RCOR1: variants seen among roughly 807,000 people sequenced by gnomAD.
RCOR1 encodes the protein REST corepressor.
In RCOR1, 12 loss-of-function variants were observed where a neutral mutation model predicts 64.0. The observed-to-expected ratio is 0.19, with a 90% CI of 0.12 to 0.30. The LOEUF (loss-of-function observed/expected upper bound fraction) is 0.30. RCOR1 is among the 10% of genes least tolerant of loss of function. The probability of loss-of-function intolerance (pLI) is 1.00; values close to 1 mark genes in which losing one functional copy is unlikely to be tolerated. For synonymous variants in RCOR1, 279 were observed against 227.2 expected, an observed-to-expected ratio of 1.23 and a Z score of -2.05; for missense variants, 502 against 621.2, an observed-to-expected ratio of 0.81 and a Z score of 2.04.
At chr14:102,672,881 C>CA (rs1222892287) in intron 2 of RCOR1, among the ~76,000 whole-genome samples, 2 of 152,326 alleles carry the variant, frequency 1.3e-5, no homozygotes, top group South Asian at 2.1e-4. Context: ...AGAAATAACT[C>CA]AGAGTTTCAG....
intron 2 of RCOR1, among the ~76,000 whole-genome samples, chr14:102,593,627 G>T (rs1390239819): frequency 1.3e-5 from 2 of 152,192 alleles, no homozygotes; most frequent in Non-Finnish European, 2.9e-5. Context: ...GGCGCTGGGG[G>T]TCCCTGCGTC....
In RCOR1 at chr14:102,690,038, C is replaced by T. The variant is rs561178728; in HGVS notation, c.445+8060C>T. ...GATTACAGGCGTGAGTCACCGCGCC[C>T]GGCCTGATTTTTTTTTTAAGCTAGC... On this transcript the variant is annotated intron_variant, in intron 3 of 11. Coordinates refer to ENST00000262241, the MANE Select transcript of RCOR1 (RefSeq NM_015156.4). 2.0e-4 allele frequency among the ~76,000 whole-genome samples: 30 copies of T among 149,828 alleles called. No individual in the cohort carries two copies. In the East Asian group the frequency reaches 4.4e-3, roughly 22 times the overall value.
chr14:102,726,938 C>T lies in RCOR1; in HGVS notation c.*432C>T, dbSNP rs764419813. 18 of 166,864 alleles carry T rather than the reference C, an allele frequency of 1.1e-4. No homozygotes were observed. The highest frequency in any genetic ancestry group is 1.8e-4 in the Non-Finnish European group (14 of 78,114). The allele number at this position is 166,864 out of a possible 1,614,324, so 10.3% of individuals were successfully genotyped here. Reference sequence around the variant, plus strand: ...AGTCATTTTCAGAGTCACCGCGACCCTGTTGGCCTTCTAGAAAGTTTCTTT... The same window carrying T: ...AGTCATTTTCAGAGTCACCGCGACCTTGTTGGCCTTCTAGAAAGTTTCTTT... On this transcript the variant is annotated 3_prime_UTR_variant, in exon 12 of 12. Coordinates refer to ENST00000262241, the MANE Select transcript of RCOR1 (RefSeq NM_015156.4).
chr14:102,620,030 C>T (rs1183964203), intron 2 of RCOR1, among the ~76,000 whole-genome samples: 1 of 152,192 alleles, frequency 6.6e-6, no homozygotes. Context: ...TCCTGTCTTC[C>T]TTTAAATCAT....
intron 4 of RCOR1, among the ~76,000 whole-genome samples, chr14:102,706,849 A>AT (rs910455482): frequency 1.3e-5 from 2 of 150,550 alleles, no homozygotes; most frequent in Non-Finnish European, 3.0e-5. Context: ...ATAATAATAA[A>AT]TTTTTTAAAA....
intron 3 of RCOR1, among the ~76,000 whole-genome samples, chr14:102,684,044 A>G (rs1171354112): frequency 6.6e-6 from 1 of 152,202 alleles, no homozygotes; most frequent in Non-Finnish European, 1.5e-5. Flanking sequence ...TTTCCTGGCC[A>G]TAGTCACAGC....
intron 2 of RCOR1, among the ~76,000 whole-genome samples, chr14:102,673,577 C>T (rs527810785): frequency 2.1e-4 from 32 of 152,094 alleles, no homozygotes; most frequent in Middle Eastern, 3.4e-3. Flanking sequence ...CCTTGTGATC[C>T]GCCCGCCTTG....
At chr14:102,668,838 A>G (rs1894972271) in intron 2 of RCOR1, among the ~76,000 whole-genome samples, 1 of 151,976 alleles carries the variant, frequency 6.6e-6, no homozygotes, top group African/African-American at 2.4e-5. Context: ...GAGGCGAAAA[A>G]TTTTTTCCCG....
chr14:102,677,151 C>CA (rs1406508438), intron 2 of RCOR1, among the ~76,000 whole-genome samples: 2 of 119,690 alleles, frequency 1.7e-5, no homozygotes, highest in Non-Finnish European at 3.6e-5. Context: ...GCTGGCCGGG[C>CA]GGGGGGCTGA....
chr14:102,684,146 C>T (rs903020411), intron 3 of RCOR1, among the ~76,000 whole-genome samples: 3 of 152,196 alleles, frequency 2.0e-5, no homozygotes, highest in Admixed American at 2.0e-4. Flanking sequence ...AGCACCCCTG[C>T]CCCCAACCCG....
At chr14:102,593,537 C>G (rs989278002) in intron 2 of RCOR1, among the ~76,000 whole-genome samples, 6 of 152,216 alleles carry the variant, frequency 3.9e-5, no homozygotes, top group African/African-American at 1.4e-4. Flanking sequence ...CCAGGTCGCC[C>G]CCAGCAGGGC....
chr14:102,620,620 A>G (rs1893855087), intron 2 of RCOR1, among the ~76,000 whole-genome samples: 1 of 152,070 alleles, frequency 6.6e-6, no homozygotes, highest in African/African-American at 2.4e-5. Context: ...TATTTGGGAG[A>G]CTGAGCTAGG....
At chr14:102,694,357 C>T (rs994536931) in intron 3 of RCOR1, among the ~76,000 whole-genome samples, 5 of 152,146 alleles carry the variant, frequency 3.3e-5, no homozygotes, top group Admixed American at 6.5e-5. Context: ...CCTGGGTTCA[C>T]GCCATTCTCC....
intron 2 of RCOR1, among the ~76,000 whole-genome samples, chr14:102,680,635 G>A (rs778457874): frequency 2.0e-5 from 3 of 152,156 alleles, no homozygotes; most frequent in South Asian, 2.1e-4. Flanking sequence ...ATGAAACCCC[G>A]TCTCTACTAA....
At chr14:102,654,383 A>G (rs904501447) in intron 2 of RCOR1, among the ~76,000 whole-genome samples, 5 of 152,132 alleles carry the variant, frequency 3.3e-5, no homozygotes, top group Non-Finnish European at 7.3e-5. Flanking sequence ...GTAAAAATGA[A>G]GAGTAGGTAA....
At chr14:102,667,227 G>A (rs182469039) in intron 2 of RCOR1, among the ~76,000 whole-genome samples, 8 of 152,174 alleles carry the variant, frequency 5.3e-5, no homozygotes, top group African/African-American at 1.4e-4. Context: ...TGGGCTGGGC[G>A]TAGTGGCTCA....
At chr14:102,671,670 TTAAA>T (rs1300467650) in intron 2 of RCOR1, among the ~76,000 whole-genome samples, 12 of 152,226 alleles carry the variant, frequency 7.9e-5, no homozygotes, top group African/African-American at 2.7e-4. Flanking sequence ...GCCTTGCTTT[TTAAA>T]TAACAGCTTT....
rs1263876368 is a variant in RCOR1 at position 102,628,078 on chromosome 14, C to G, written c.361+34753C>G. The stretch of plus-strand genomic sequence containing the variant: ...ATAGCTGACAGGGTAAGTTCCAGTT[C>G]AAGTCCGAAGGCACGAGAGCCAGGT... On this transcript the variant is annotated intron_variant, in intron 2 of 11. Coordinates refer to ENST00000262241, the MANE Select transcript of RCOR1 (RefSeq NM_015156.4). Among the ~76,000 whole-genome samples the G allele has an allele frequency of 2.0e-5, 3 of 152,126 alleles. No homozygotes were observed. The East Asian group carries it at 5.8e-4, about 29-fold the overall frequency.
At chr14:102,607,412 T>G (rs1893534660) in intron 2 of RCOR1, among the ~76,000 whole-genome samples, 1 of 152,214 alleles carries the variant, frequency 6.6e-6, no homozygotes, top group Admixed American at 6.6e-5. Flanking sequence ...AGATGTGTTT[T>G]CTTTTTTTTA....
Sources: allele counts gnomAD v4.1 joint callset (sites outside exome capture counted in the v4.1 genomes callset), GRCh38; gene constraint gnomAD v4.1.1; transcripts MANE v1.5; gene names NCBI Gene and HGNC (gene_info 2026-07-23, HGNC 2026-07-21).